Variants in ATP10B observed in about 807,000 individuals in gnomAD.
ATP10B encodes ATPase phospholipid transporting 10B (putative), also known as phospholipid-transporting ATPase VB.
A neutral mutation model predicts 141.2 loss-of-function variants in ATP10B; 122 were observed. The ratio of observed to expected loss-of-function variants is 0.86; its 90% confidence interval spans 0.75 to 1.00. The LOEUF is 1.00. Ranked by LOEUF, ATP10B falls within the 50% of genes least tolerant of loss-of-function variation. ATP10B has a pLI of 0.00. For synonymous variants in ATP10B, 685 were observed against 692.0 expected, an observed-to-expected ratio of 0.99 and a Z score of 0.16; for missense variants, 1,876 against 1,825.3, an observed-to-expected ratio of 1.03 and a Z score of -0.51.
intron 1 of ATP10B, among the ~76,000 whole-genome samples, chr5:160,841,055 A>G (rs938264572): frequency 2.0e-5 from 3 of 152,140 alleles, no homozygotes; most frequent in African/African-American, 4.8e-5. Flanking sequence ...AAAACTATAC[A>G]TGCATCTGTC....
chr5:160,866,696 C>A, the ATP10B span, among the ~76,000 whole-genome samples: 9 of 151,910 alleles, frequency 5.9e-5, no homozygotes, highest in East Asian at 1.9e-4. Context: ...AAAACAAAAC[C>A]AAAACAAAAT....
intron 2 of ATP10B, among the ~76,000 whole-genome samples, chr5:160,734,257 C>T (rs1766956317): frequency 6.6e-6 from 1 of 151,768 alleles, no homozygotes; most frequent in Admixed American, 6.6e-5. Flanking sequence ...GAAGTGACAC[C>T]AGATGGAAAC....
At chr5:160,825,395 A>G (rs976385135) in intron 1 of ATP10B, among the ~76,000 whole-genome samples, 1 of 152,114 alleles carries the variant, frequency 6.6e-6, no homozygotes, top group Non-Finnish European at 1.5e-5. Context: ...AGACCTGATG[A>G]TTTTATAAGG....
the ATP10B span, among the ~76,000 whole-genome samples, chr5:160,912,045 T>C: frequency 2.6e-5 from 4 of 151,464 alleles, no homozygotes; most frequent in African/African-American, 9.7e-5. Flanking sequence ...GAGCTTGCAC[T>C]CCAGTAGAGA....
intron 13 of ATP10B, among the ~76,000 whole-genome samples, chr5:160,626,405 C>T (rs945085840): frequency 4.6e-5 from 7 of 152,150 alleles, no homozygotes; most frequent in African/African-American, 1.2e-4. Flanking sequence ...GGGCTAAGTG[C>T]GCTCACATCC....
chr5:160,604,774 T>C (rs898586880), intron 19 of ATP10B, among the ~76,000 whole-genome samples: 2 of 152,138 alleles, frequency 1.3e-5, no homozygotes, highest in Non-Finnish European at 2.9e-5. Flanking sequence ...GATCTTTCCA[T>C]GATGAGGGAA....
chr5:160,752,015 C>A (rs116721268), intron 2 of ATP10B, among the ~76,000 whole-genome samples: 1 of 152,080 alleles, frequency 6.6e-6, no homozygotes, highest in African/African-American at 2.4e-5. Context: ...GAGTTAAAGA[C>A]GGCTGCGGCT....
chr5:160,838,417 G>C (rs1286389421), intron 1 of ATP10B, among the ~76,000 whole-genome samples: 1 of 152,142 alleles, frequency 6.6e-6, no homozygotes, highest in Non-Finnish European at 1.5e-5. Flanking sequence ...CCAACCACTT[G>C]CATCTTGAGT....
intron 13 of ATP10B, among the ~76,000 whole-genome samples, chr5:160,627,505 T>C (rs1758671301): frequency 1.3e-5 from 2 of 152,202 alleles, no homozygotes; most frequent in South Asian, 4.1e-4. Flanking sequence ...AAGCAGGCCC[T>C]TCTGTTTGTT....
At chr5:160,920,556 C>T in the ATP10B span, among the ~76,000 whole-genome samples, 3 of 152,230 alleles carry the variant, frequency 2.0e-5, no homozygotes, top group Admixed American at 2.0e-4. Context: ...AATTGAATCA[C>T]ATAGTAACAA....
At chr5:160,898,926 A>G in the ATP10B span, among the ~76,000 whole-genome samples, 4 of 150,734 alleles carry the variant, frequency 2.7e-5, no homozygotes, top group Non-Finnish European at 5.9e-5. Flanking sequence ...GTTCTTACTC[A>G]TAAGTGGGGT....
At chr5:160,586,807 T>G (rs1755937352) in intron 24 of ATP10B, among the ~76,000 whole-genome samples, 1 of 152,162 alleles carries the variant, frequency 6.6e-6, no homozygotes, top group Non-Finnish European at 1.5e-5. Context: ...TTTGCCCACT[T>G]TTTGATGGTG....
At chr5:160,831,938 A>T (rs867641118) in intron 1 of ATP10B, among the ~76,000 whole-genome samples, 1 of 152,122 alleles carries the variant, frequency 6.6e-6, no homozygotes, top group Non-Finnish European at 1.5e-5. Flanking sequence ...GTAGGTGAGT[A>T]AAGTATACTG....
intron 3 of ATP10B, among the ~76,000 whole-genome samples, chr5:160,715,089 AG>A (rs1197516757): frequency 1.4e-5 from 2 of 146,656 alleles, no homozygotes; most frequent in Admixed American, 1.4e-4. Context: ...CCCTGCCCCC[AG>A]AGGTGGAGCC....
chr5:160,734,695 A>G (rs1766986271), intron 2 of ATP10B, among the ~76,000 whole-genome samples: 1 of 152,056 alleles, frequency 6.6e-6, no homozygotes, highest in Non-Finnish European at 1.5e-5. Context: ...ACTCAATAAA[A>G]ACACAACAAA....
At chr5:160,751,698 T>C (rs1351619481) in intron 2 of ATP10B, among the ~76,000 whole-genome samples, 3 of 152,142 alleles carry the variant, frequency 2.0e-5, no homozygotes, top group Non-Finnish European at 2.9e-5. Flanking sequence ...TTGTCCACTC[T>C]GGAACTTCAT....
chr5:160,873,263 A>G, the ATP10B span, among the ~76,000 whole-genome samples: 1 of 152,182 alleles, frequency 6.6e-6, no homozygotes. Flanking sequence ...TTGATGAAGA[A>G]TATCCACAAA....
At chr5:160,598,679 G>T in intron 22 of ATP10B, 91 bp downstream of exon 22, 2 of 1,180,696 alleles carry the variant, frequency 1.7e-6, no homozygotes, top group Non-Finnish European at 1.2e-6. Flanking sequence ...TCTGACCCCA[G>T]CATACAGCTC....
At chr5:160,829,388 T>A (rs888691760) in intron 1 of ATP10B, among the ~76,000 whole-genome samples, 1 of 152,112 alleles carries the variant, frequency 6.6e-6, no homozygotes, top group African/African-American at 2.4e-5. Flanking sequence ...ATTGGGTAGT[T>A]TGATTCCTCT....
Sources: allele counts gnomAD v4.1 joint callset (sites outside exome capture counted in the v4.1 genomes callset), GRCh38; gene constraint gnomAD v4.1.1; transcripts MANE v1.5; gene names NCBI Gene and HGNC (gene_info 2026-07-23, HGNC 2026-07-21).